DDX11: variants seen among roughly 807,000 people sequenced by gnomAD.
DDX11 encodes the protein DEAD/H-box helicase 11.
In DDX11, 72 loss-of-function variants were observed where a neutral mutation model predicts 125.2. The observed-to-expected ratio is 0.58, with a 90% CI of 0.48 to 0.70. DDX11 has a LOEUF of 0.70. Among genes scored for constraint, DDX11 ranks in the 30% least tolerant of loss-of-function variants. DDX11 has a pLI of 0.00. For missense variants in DDX11, 883 were observed against 1,165.0 expected (o/e 0.76, Z 3.52); for synonymous variants, 347 against 452.6 (o/e 0.77, Z 2.96).
chr12:31,098,807 A>G (rs906483800), intron 18 of DDX11, among the ~76,000 whole-genome samples: 3 of 152,140 alleles, frequency 2.0e-5, no homozygotes, highest in Non-Finnish European at 4.4e-5. Context: ...TGACGTTCAC[A>G]TTGTGAGAGC....
intron 1 of DDX11, among the ~76,000 whole-genome samples, chr12:31,075,636 G>A (rs1200784009): frequency 1.3e-5 from 2 of 152,112 alleles, no homozygotes; most frequent in Non-Finnish European, 2.9e-5. Flanking sequence ...TGGGACCTCC[G>A]TTACCCAGCC....
In DDX11 at chr12:31,103,812, C is replaced by T; in HGVS notation, c.2697C>T (p.His899=). The T allele has an allele frequency of 6.2e-7, 1 of 1,613,878 alleles. No individual in the cohort carries two copies. The highest frequency in any genetic ancestry group is 2.2e-5 in the East Asian group (1 of 44,876). ...GPAIAAVQKF[H]REKSASS is the part of the protein sequence containing the mutation. Reference sequence around the variant, plus strand: ...ACTGCCTTCTGTCTGCCCAGTTTCACCGGGAGAAGTCGGCCTCTTCCTGAT... The same window carrying T: ...ACTGCCTTCTGTCTGCCCAGTTTCATCGGGAGAAGTCGGCCTCTTCCTGAT... Residue 899 remains histidine (H), a synonymous_variant, in exon 27 of 27, where the codon CAC becomes CAT. Transcript: ENST00000542838.
chr12:31,089,702 T>C (rs1943843030), intron 8 of DDX11, 184 bp from the exon 9 acceptor site: 2 of 1,266,876 alleles, frequency 1.6e-6, no homozygotes, highest in Admixed American at 4.0e-5. Flanking sequence ...TTTTACGGGC[T>C]CTTTCTGGAG....
In DDX11 at chr12:31,093,320, A is replaced by T. The variant is rs1477286729; in HGVS notation, c.1365A>T (p.Leu455=). Residue 455 remains leucine, a synonymous_variant, in exon 12 of 27, where the codon CTA becomes CTT. Coordinates refer to ENST00000542838, the MANE Select transcript of DDX11 (RefSeq NM_030653.4). Reference sequence around the variant, plus strand: ...TGCTGGAGAAATTCGTGGCTGTGCTAGGGGGTGAGAGCCTCGTCCCCCTGC... The same window carrying T: ...TGCTGGAGAAATTCGTGGCTGTGCTTGGGGGTGAGAGCCTCGTCCCCCTGC... The part of the protein sequence containing the change: ...LYLLEKFVAV[L]GGNIKQNPNT... 8.1e-6 allele frequency: 13 copies of T among 1,613,702 alleles called. No individual in the cohort carries two copies. Among genetic ancestry groups the T allele is most frequent in the Non-Finnish European group, 1.1e-5 (13 of 1,179,760 alleles).
rs758582221 is a variant in DDX11 at position 31,102,454 on chromosome 12, A to G, written c.2299A>G (p.Thr767Ala). The change falls in exon 23 of 27, where the codon ACA (threonine) becomes GCA (alanine). Residue 767 changes from threonine to alanine, a missense_variant. Physicochemically the swap from Thr to Ala is moderately conservative, Grantham distance 58 (BLOSUM62 0). Coordinates refer to ENST00000542838, the MANE Select transcript of DDX11 (RefSeq NM_030653.4). Reference protein sequence around the residue: ...QACGQERGQVTGALLLSVVGG... With the variant: ...QACGQERGQVAGALLLSVVGG... ...CTGTGGCCAGGAGAGAGGCCAGGTG[A>G]CAGGGGCCCTGCTCCTCTCTGTGGT... The G allele has an allele frequency of 6.2e-7, 1 of 1,614,088 alleles. No homozygotes were observed. The highest frequency in any genetic ancestry group is 2.2e-5 in the East Asian group (1 of 44,880).
chr12:31,074,215 T>G (rs920253586), intron 1 of DDX11, 124 bp downstream of exon 1: 7 of 145,376 alleles, frequency 4.8e-5, no homozygotes, highest in Non-Finnish European at 9.0e-5. Context: ...GCGGTGGAAC[T>G]GGGCGGTGCG....
rs1940337564 is a variant in DDX11 at position 31,074,079 on chromosome 12, C to G, written c.-17C>G. On this transcript the variant is annotated 5_prime_UTR_variant, in exon 1 of 27. Coordinates refer to ENST00000542838, the MANE Select transcript of DDX11 (RefSeq NM_030653.4). ...TGGGCGTCTGTTCCGGCGCCGGACC[C>G]CTATTTGCAAAGGTGGGTGGCCCGT... 1 of 152,252 alleles carries G rather than the reference C, an allele frequency of 6.6e-6. No homozygotes were observed. Among genetic ancestry groups the G allele is most frequent in the Middle Eastern group, 3.2e-3 (1 of 316 alleles). The allele number at this position is 152,252 out of a possible 1,614,324, so 9.4% of individuals were successfully genotyped here.
At position 31,089,148 on chromosome 12, in the gene DDX11, G is replaced by A; in HGVS notation, c.789G>A (p.Arg263=). The A allele has an allele frequency of 6.2e-7, 1 of 1,613,484 alleles. No homozygotes were observed. Among genetic ancestry groups the A allele is most frequent in the Non-Finnish European group, 8.5e-7 (1 of 1,179,434 alleles). The change falls in exon 7 of 27, where the codon CGG becomes CGA. Residue 263 remains arginine (R), a synonymous_variant. Transcript: ENST00000542838. ...TTCGGCTGGTCTCCCTTGGCTCCCG[G>A]CAGGTAAACAGTAGCCAGTATTTCC... ...KDVRLVSLGS[R]QNLCVNEDVK... is the part of the protein sequence containing the mutation.
In DDX11 at chr12:31,078,276, A is replaced by C. The variant is rs147639058; in HGVS notation, c.-4-114A>C. On this transcript the variant is annotated intron_variant, in intron 1 of 26. Transcript: ENST00000542838. ...AACATGGTCTCTGCTTCCCAGAAAAAAGGAGAAATTTGGTAATAAGTGTGG... is the reference window on the plus strand; with the variant it reads ...AACATGGTCTCTGCTTCCCAGAAAACAGGAGAAATTTGGTAATAAGTGTGG... The C allele has an allele frequency of 1.7e-3, 2,790 of 1,606,596 alleles. 77 individuals are homozygous for C. The East Asian group carries it at 0.049, about 28-fold the overall frequency.
At chr12:31,078,889 G>C (rs1008915737) in intron 2 of DDX11, among the ~76,000 whole-genome samples, 9 of 152,032 alleles carry the variant, frequency 5.9e-5, no homozygotes, top group Non-Finnish European at 1.0e-4. Flanking sequence ...GGGTTTCACC[G>C]TGTTAGCCAG....
Position 31,102,320 on chromosome 12 carries a change from G to C in DDX11, c.2271+9G>C, listed in dbSNP as rs369306220. ...ATTCCAGGTGCATCCAGGTGCGGGCGTCATGCTGGGCTTGGGTCTGAGATC... is the reference window on the plus strand; with the variant it reads ...ATTCCAGGTGCATCCAGGTGCGGGCCTCATGCTGGGCTTGGGTCTGAGATC... On this transcript the variant is annotated intron_variant, in intron 22 of 26. Transcript: ENST00000542838. The C allele has an allele frequency of 7.4e-6, 12 of 1,613,772 alleles. No individual in the cohort carries two copies. The highest frequency in any genetic ancestry group is 1.0e-5 in the Non-Finnish European group (12 of 1,179,594).
chr12:31,088,702 A>T (rs1301185579), intron 6 of DDX11, among the ~76,000 whole-genome samples: 1 of 151,712 alleles, frequency 6.6e-6, no homozygotes, highest in Non-Finnish European at 1.5e-5. Context: ...CCCACCAACA[A>T]CCCACCCTCC....
intron 3 of DDX11, among the ~76,000 whole-genome samples, chr12:31,084,312 A>G (rs1207330911): frequency 1.3e-5 from 2 of 152,160 alleles, no homozygotes; most frequent in African/African-American, 4.8e-5. Context: ...GGACCTGATC[A>G]TTGCCATTGG....
At chr12:31,076,369 GCTGCCTT>G in intron 1 of DDX11, among the ~76,000 whole-genome samples, 1 of 152,302 alleles carries the variant, frequency 6.6e-6, no homozygotes, top group South Asian at 2.1e-4. Context: ...TGAAGTCCGA[GCTGCCTT>G]GCAGCTTGTA....
Position 31,097,942 on chromosome 12 carries a change from C to T in DDX11, c.1820C>T (p.Ala607Val), listed in dbSNP as rs1389332816. The T allele has an allele frequency of 5.0e-6, 8 of 1,613,578 alleles. No homozygotes were observed. The African/African-American group carries it at 9.4e-5, about 19-fold the overall frequency. ...FLLLNPAVHF[A>V]QVVKECRAVV... ...CTCCTGAATCCAGCTGTGCACTTTG[C>T]CCAAGTGGTGAAGGAATGCCGGGCA... is the stretch of plus-strand genomic sequence containing the variant. The change falls in exon 18 of 27, where the codon GCC (alanine) becomes GTC (valine). Residue 607 changes from alanine (A) to valine (V), a missense_variant. Ala to Val is a moderately conservative substitution (Grantham distance 64). Around this residue, in one of 5 missense-constraint regions of DDX11, gnomAD observed 241 missense variants for 279.7 expected, o/e 0.86. Coordinates refer to ENST00000542838, the MANE Select transcript of DDX11 (RefSeq NM_030653.4).
At chr12:31,091,930 G>A in intron 10 of DDX11, 59 bp downstream of exon 10, 1 of 1,610,522 alleles carries the variant, frequency 6.2e-7, no homozygotes, top group Non-Finnish European at 8.5e-7. Context: ...GACTTGGATG[G>A]TTCCTCCAGA....
intron 5 of DDX11, among the ~76,000 whole-genome samples, chr12:31,087,400 C>T (rs10743750): frequency 0.54 from 81,620 of 151,822 alleles, 23,154 homozygotes; most frequent in East Asian, 0.82. Context: ...CGAGAGGAAG[C>T]GATTTTGAAT....
intron 12 of DDX11, among the ~76,000 whole-genome samples, chr12:31,093,882 G>A (rs1944731519): frequency 6.7e-6 from 1 of 148,374 alleles, no homozygotes; most frequent in African/African-American, 2.5e-5. Context: ...GCTCTGGGGG[G>A]ATATTAAGGA....
chr12:31,100,986 C>A lies in DDX11; in HGVS notation c.1949-41C>A, dbSNP rs2141008856. 3 of 1,540,362 alleles carry A rather than the reference C, an allele frequency of 1.9e-6. No individual in the cohort carries two copies. In the Middle Eastern group the frequency reaches 5.0e-4, roughly 259 times the overall value. ...CCTCTCTGCAGTGTCTTGCAGCACA[C>A]CTGCATCTCCAGTTTTCGGCCCCTC... On this transcript the variant is annotated intron_variant, in intron 19 of 26. Coordinates refer to ENST00000542838, the MANE Select transcript of DDX11 (RefSeq NM_030653.4).
Sources: allele counts gnomAD v4.1 joint callset (sites outside exome capture counted in the v4.1 genomes callset), GRCh38; gene constraint gnomAD v4.1.1; regional missense constraint gnomAD v4.1.1; transcripts MANE v1.5; gene names NCBI Gene and HGNC (gene_info 2026-07-23, HGNC 2026-07-21).